Variants in GLIS1 observed in about 807,000 individuals in gnomAD.
The protein encoded by GLIS1 is GLIS family zinc finger 1.
Under a neutral mutation model 63.8 loss-of-function variants are expected in GLIS1, and 24 were observed. The ratio of observed to expected loss-of-function variants is 0.38; its 90% CI spans 0.27 to 0.53. The LOEUF (loss-of-function observed/expected upper bound fraction) is 0.53. Among genes scored for constraint, GLIS1 ranks in the 20% least tolerant of loss-of-function variants. GLIS1 has a pLI of 0.85. For synonymous variants in GLIS1, 450 were observed against 482.5 expected, an observed-to-expected ratio of 0.93 and a Z score of 0.88; for missense variants, 1,036 against 1,074.1, an observed-to-expected ratio of 0.96 and a Z score of 0.50.
chr1:53,524,232 C>T (rs1484293409), intron 6 of GLIS1, among the ~76,000 whole-genome samples: 3 of 152,242 alleles, frequency 2.0e-5, no homozygotes, highest in Non-Finnish European at 2.9e-5. Context: ...GGGCCCACTC[C>T]GCGCTCACAC....
At chr1:53,515,031 C>T (rs1301190798) in intron 7 of GLIS1, among the ~76,000 whole-genome samples, 2 of 151,394 alleles carry the variant, frequency 1.3e-5, no homozygotes, top group Non-Finnish European at 2.9e-5. Context: ...CAGAGGTGGA[C>T]TGGCAAGGGG....
chr1:53,547,475 C>T lies in GLIS1; in HGVS notation c.1321-17523G>A, dbSNP rs144211754. 3.3e-5 allele frequency among the ~76,000 whole-genome samples: 5 copies of T among 152,382 alleles called. No individual in the cohort carries two copies. In the East Asian group the frequency reaches 7.7e-4, roughly 24 times the overall value. ...TGCCTGAGCTCTACTGTACTTCTCA[C>T]TGCTGGCTCCTGCCTTTGATGGATG... On this transcript the variant is annotated intron_variant, in intron 4 of 10. Transcript: ENST00000628545.
At position 53,574,661 on chromosome 1, in the gene GLIS1, G is replaced by A. The variant is rs1350940900; in HGVS notation, c.1320+19447C>T. 2.0e-5 allele frequency among the ~76,000 whole-genome samples: 3 copies of A among 152,228 alleles called. No individual in the cohort carries two copies. The highest frequency in any genetic ancestry group is 7.2e-5 in the African/African-American group (3 of 41,464). On this transcript the variant is annotated intron_variant, in intron 4 of 10. Transcript: ENST00000628545. This position sits in a 1 kb window ranked among gnomAD's most constrained non-coding sequence, Gnocchi z 4.2. Reference sequence around the variant, plus strand: ...CCTGGAGAGGCTGGTGGGTCATGATGTCTGCTGGTCCCCAATATGAGTAAA... The same window carrying A: ...CCTGGAGAGGCTGGTGGGTCATGATATCTGCTGGTCCCCAATATGAGTAAA...
intron 4 of GLIS1, 79 bp from the exon 5 acceptor site, chr1:53,530,031 G>T (rs941550178): frequency 5.7e-6 from 8 of 1,399,256 alleles, no homozygotes; most frequent in Non-Finnish European, 7.7e-6. Context: ...CCCCAGGCCT[G>T]CCTGGCCCCA....
intron 2 of GLIS1, among the ~76,000 whole-genome samples, chr1:53,625,496 C>T (rs1645585066): frequency 6.6e-6 from 1 of 152,182 alleles, no homozygotes; most frequent in South Asian, 2.1e-4. Flanking sequence ...TCCCAATAAG[C>T]AAACCATTTT....
intron 4 of GLIS1, among the ~76,000 whole-genome samples, chr1:53,534,353 G>A (rs190602274): frequency 5.3e-5 from 8 of 152,122 alleles, no homozygotes; most frequent in Admixed American, 2.6e-4. Flanking sequence ...CCACTGGGGC[G>A]GGGCCTTCCT....
At chr1:53,534,535 G>C (rs998236025) in intron 4 of GLIS1, among the ~76,000 whole-genome samples, 1 of 152,002 alleles carries the variant, frequency 6.6e-6, no homozygotes, top group African/African-American at 2.4e-5. Flanking sequence ...CCCTGTGCCA[G>C]GGGCACTGAG....
At chr1:53,609,893 A>G (rs1349668131) in intron 2 of GLIS1, among the ~76,000 whole-genome samples, 1 of 152,230 alleles carries the variant, frequency 6.6e-6, no homozygotes. Flanking sequence ...ACAAACATGT[A>G]CAGCATGGTA....
At chr1:53,637,436 A>G (rs1337620667) in intron 2 of GLIS1, among the ~76,000 whole-genome samples, 2 of 152,180 alleles carry the variant, frequency 1.3e-5, no homozygotes, top group African/African-American at 2.4e-5. Flanking sequence ...TCACTCTTCT[A>G]TCTGTGAGAA....
chr1:53,718,366 C>A (rs1211714430), intron 2 of GLIS1, among the ~76,000 whole-genome samples: 1 of 152,074 alleles, frequency 6.6e-6, no homozygotes, highest in Non-Finnish European at 1.5e-5. Context: ...TGCATTTGGA[C>A]ATTCAGGAAA....
chr1:53,588,718 T>G (rs145723321), intron 4 of GLIS1, among the ~76,000 whole-genome samples: 35 of 152,314 alleles, frequency 2.3e-4, no homozygotes, highest in Non-Finnish European at 4.7e-4. Flanking sequence ...CTCCACCCAC[T>G]GTGATTTGAA....
chr1:53,654,101 G>C (rs994048132), intron 2 of GLIS1, among the ~76,000 whole-genome samples: 1 of 152,216 alleles, frequency 6.6e-6, no homozygotes, highest in Non-Finnish European at 1.5e-5. Flanking sequence ...CAGCATACCA[G>C]CAATGCTGAT....
intron 4 of GLIS1, among the ~76,000 whole-genome samples, chr1:53,546,766 C>T (rs1406235890): frequency 6.6e-6 from 1 of 152,244 alleles, no homozygotes; most frequent in Non-Finnish European, 1.5e-5. Context: ...CTTCATCTGG[C>T]TGAGTCCTGC....
chr1:53,556,113 G>A (rs1256190925), intron 4 of GLIS1, among the ~76,000 whole-genome samples: 1 of 138,616 alleles, frequency 7.2e-6, no homozygotes, highest in African/African-American at 2.7e-5. Context: ...GTGTGTGTAT[G>A]CAGGTATACT....
At chr1:53,514,032 C>G (rs529015407) in intron 8 of GLIS1, among the ~76,000 whole-genome samples, 3 of 152,376 alleles carry the variant, frequency 2.0e-5, no homozygotes, top group African/African-American at 7.2e-5. Flanking sequence ...CATGGTCCAG[C>G]AATTAACACA....
Position 53,509,994 on chromosome 1 carries a change from G to T in GLIS1, c.1917C>A (p.Ser639Arg). 7.8e-7 allele frequency: 1 copy of T among 1,284,870 alleles called. No homozygotes were observed. Among genetic ancestry groups the T allele is most frequent in the Non-Finnish European group, 9.9e-7 (1 of 1,007,950 alleles). The allele number at this position is 1,284,870 out of a possible 1,614,324, so 79.6% of individuals were successfully genotyped here. A position where few individuals can be genotyped will look rare whatever the true frequency, so the allele number is the denominator to read the frequency against. ...GCGGTGGCCCCAGCCCCTTCAGGGG[G>T]CTGACTATTGGTGAGAGGAGGCCGG... ...LGPGLLSPIV[S>R]PLKGLGPPPL... Residue 639 changes from serine to arginine, a missense_variant, in exon 9 of 11, where the codon AGC becomes AGA. Physicochemically the swap from Ser to Arg is moderately radical, Grantham distance 110. Coordinates refer to ENST00000628545, the MANE Select transcript of GLIS1 (RefSeq NM_001367484.1).
chr1:53,715,729 C>A (rs756806083), intron 2 of GLIS1, among the ~76,000 whole-genome samples: 28 of 152,144 alleles, frequency 1.8e-4, no homozygotes, highest in Non-Finnish European at 3.1e-4. Flanking sequence ...GTCACTGTGC[C>A]TAATGTTACT....
At chr1:53,578,008 C>T (rs550021708) in intron 4 of GLIS1, among the ~76,000 whole-genome samples, 23 of 152,242 alleles carry the variant, frequency 1.5e-4, no homozygotes, top group South Asian at 4.1e-4. Flanking sequence ...CTGATTGTTG[C>T]TCCTTCTCCT....
intron 2 of GLIS1, among the ~76,000 whole-genome samples, chr1:53,649,155 A>G (rs1417308729): frequency 1.3e-5 from 2 of 152,248 alleles, no homozygotes; most frequent in East Asian, 1.9e-4. Context: ...CATAAAATGT[A>G]TGTAGATACT....
Sources: allele counts gnomAD v4.1 joint callset (sites outside exome capture counted in the v4.1 genomes callset), GRCh38; gene constraint gnomAD v4.1.1; non-coding constraint Gnocchi (gnomAD v3.1); transcripts MANE v1.5; gene names NCBI Gene and HGNC (gene_info 2026-07-23, HGNC 2026-07-21).